Variants in CUX1 observed in about 807,000 individuals in gnomAD.
CUX1 encodes cut like homeobox 1, also known as protein CASP.
Under a neutral mutation model 158.8 loss-of-function variants are expected in CUX1, and 31 were observed. The ratio of observed to expected loss-of-function variants is 0.20; its 90% CI spans 0.15 to 0.26. The LOEUF is 0.26. Ranked by LOEUF, CUX1 falls within the 10% of genes least tolerant of loss-of-function variation. The pLI is 1.00. For synonymous variants in CUX1, 879 were observed against 862.1 expected, an observed-to-expected ratio of 1.02 and a Z score of -0.34; for missense variants, 1,589 against 2,014.6, an observed-to-expected ratio of 0.79 and a Z score of 4.04.
In CUX1 at chr7:101,826,013, C is replaced by T. The variant is rs182798662; in HGVS notation, c.30+8344C>T. Among the ~76,000 whole-genome samples, 67 of 152,200 alleles carry T rather than the reference C, an allele frequency of 4.4e-4. 1 individual carries two copies. The highest frequency in any genetic ancestry group is 2.4e-3 in the Admixed American group (37 of 15,280). On this transcript the variant is annotated intron_variant, in intron 1 of 23. Coordinates refer to ENST00000292535, the MANE Select transcript of CUX1 (RefSeq NM_181552.4). ...CTCCTTAAACATCCATGGTGGCCCA[C>T]TTAGGCACAGAGTGGAGACCACATT...
At chr7:102,144,916 C>T (rs1028446989) in intron 8 of CUX1, among the ~76,000 whole-genome samples, 3 of 151,416 alleles carry the variant, frequency 2.0e-5, no homozygotes, top group Admixed American at 1.3e-4. Context: ...GGCAAAACCT[C>T]GTCTCTACTA....
chr7:101,818,771 G>T, intron 1 of CUX1: 1 of 152,160 alleles, frequency 6.6e-6, no homozygotes, highest in East Asian at 1.9e-4. Flanking sequence ...TTCTCTGGGC[G>T]GTGAGGAGGC....
chr7:102,013,125 C>CAAAAAAAAAAAAA (rs35020263), intron 2 of CUX1, among the ~76,000 whole-genome samples: 7 of 112,598 alleles, frequency 6.2e-5, no homozygotes, highest in Non-Finnish European at 3.8e-5. Context: ...GCCGTCATAC[C>CAAAAAAAAAAAAA]AAAAAAAAAA....
intron 1 of CUX1, among the ~76,000 whole-genome samples, chr7:101,833,933 G>A (rs531099302): frequency 2.0e-5 from 3 of 152,212 alleles, no homozygotes; most frequent in Admixed American, 6.5e-5. Context: ...AGAATGGGAC[G>A]CACAGTGTTC....
intron 20 of CUX1, among the ~76,000 whole-genome samples, chr7:102,225,272 C>T (rs1480401475): frequency 1.3e-5 from 2 of 152,120 alleles, no homozygotes; most frequent in African/African-American, 4.8e-5. Flanking sequence ...AAGTTTGTGC[C>T]GGTTCAGGAC....
At chr7:101,927,423 T>G (rs1245971668) in intron 2 of CUX1, among the ~76,000 whole-genome samples, 1 of 152,130 alleles carries the variant, frequency 6.6e-6, no homozygotes, top group African/African-American at 2.4e-5. Context: ...CTTTGGAGGC[T>G]GAGGTGGGAG....
In CUX1 at chr7:102,255,678, C is replaced by A. The variant is rs1789819337; in HGVS notation, c.*6636C>A. The A allele has an allele frequency of 2.0e-6, 2 of 985,232 alleles. No homozygotes were observed. Among genetic ancestry groups the A allele is most frequent in the African/African-American group, 1.7e-5 (1 of 57,214 alleles). 61.0% of individuals were successfully genotyped at this position (985,232 alleles called of 1,614,324 possible). On this transcript the variant is annotated 3_prime_UTR_variant, in exon 24 of 24. Transcript: ENST00000292535. ...TATATCCCAATGTCACGGCTACATC[C>A]CTATGGAAATTAATCAGAAGCACAG... is the stretch of plus-strand genomic sequence containing the variant.
intron 8 of CUX1, among the ~76,000 whole-genome samples, chr7:102,142,835 T>C (rs1424407449): frequency 1.3e-5 from 2 of 150,410 alleles, no homozygotes; most frequent in Non-Finnish European, 3.0e-5. Flanking sequence ...GGCAGGAGGA[T>C]CTCTTGAGCC....
At chr7:102,265,634 T>G (rs1316551669) in intron 14 of CUX1, among the ~76,000 whole-genome samples, 2 of 152,062 alleles carry the variant, frequency 1.3e-5, no homozygotes, top group East Asian at 3.9e-4. Context: ...AGTCTGGCTA[T>G]GTTGCCCAGG....
chr7:101,881,820 GA>G (rs1015214680), intron 1 of CUX1, among the ~76,000 whole-genome samples: 19 of 152,078 alleles, frequency 1.2e-4, no homozygotes, highest in Non-Finnish European at 2.6e-4. Context: ...GGCAGGAGTG[GA>G]AAAATGCTAT....
intron 6 of CUX1, among the ~76,000 whole-genome samples, chr7:102,108,950 C>T (rs1385893780): frequency 6.6e-6 from 1 of 152,094 alleles, no homozygotes; most frequent in African/African-American, 2.4e-5. Flanking sequence ...AACAGGATTT[C>T]ACCATGTTGG....
intron 2 of CUX1, among the ~76,000 whole-genome samples, chr7:101,997,237 C>T (rs1408885094): frequency 6.6e-6 from 1 of 152,208 alleles, no homozygotes; most frequent in Admixed American, 6.5e-5. Context: ...GTGGGCCTCC[C>T]TGGGGTGCCC....
At chr7:101,913,424 A>G (rs1475897821) in intron 1 of CUX1, 1 of 1,251,606 alleles carries the variant, frequency 8.0e-7, no homozygotes, top group East Asian at 6.0e-5. Context: ...CTGGCTCTGC[A>G]GCCCCGGGAT....
intron 1 of CUX1, among the ~76,000 whole-genome samples, chr7:101,843,295 T>C (rs1296992561): frequency 6.6e-6 from 1 of 152,238 alleles, no homozygotes; most frequent in African/African-American, 2.4e-5. Flanking sequence ...TAAGATCTTG[T>C]TTTTAAAACC....
chr7:101,871,701 C>A (rs1431616513), intron 1 of CUX1, among the ~76,000 whole-genome samples: 1 of 152,056 alleles, frequency 6.6e-6, no homozygotes, highest in Non-Finnish European at 1.5e-5. Flanking sequence ...TTGCCAGCGT[C>A]GCCTCGCACA....
intron 23 of CUX1, 106 bp downstream of exon 23, chr7:102,239,690 G>A (rs1275065364): frequency 4.5e-6 from 6 of 1,339,762 alleles, no homozygotes; most frequent in Non-Finnish European, 6.1e-6. Context: ...CGGAGGTGGG[G>A]CGCTGGGAGC....
chr7:102,269,348 G>A (rs1374840176), intron 14 of CUX1, among the ~76,000 whole-genome samples: 5 of 151,842 alleles, frequency 3.3e-5, no homozygotes, highest in Non-Finnish European at 5.9e-5. Context: ...GCCCCCTCAC[G>A]CAAATCTCAT....
At chr7:101,878,485 C>T (rs952936034) in intron 1 of CUX1, among the ~76,000 whole-genome samples, 2 of 152,132 alleles carry the variant, frequency 1.3e-5, no homozygotes, top group Admixed American at 6.6e-5. Context: ...TCGTAGTAGC[C>T]GGCCCTGTGC....
chr7:101,985,747 G>A (rs1814217100), intron 2 of CUX1, among the ~76,000 whole-genome samples: 1 of 152,196 alleles, frequency 6.6e-6, no homozygotes, highest in Non-Finnish European at 1.5e-5. Flanking sequence ...ACAACACTGA[G>A]CCCAGTGCCG....
Sources: allele counts gnomAD v4.1 joint callset (sites outside exome capture counted in the v4.1 genomes callset), GRCh38; gene constraint gnomAD v4.1.1; transcripts MANE v1.5; gene names NCBI Gene and HGNC (gene_info 2026-07-23, HGNC 2026-07-21).